The following DCLRE1C variants were observed in gnomAD, a reference collection of about 807,000 sequenced individuals.
The protein encoded by DCLRE1C is DNA cross-link repair 1C.
A neutral mutation model predicts 61.4 loss-of-function variants in DCLRE1C; 47 were observed. That is an observed-to-expected ratio of 0.77 (90% CI 0.61 to 0.98). DCLRE1C has a LOEUF of 0.98. Ranked by LOEUF, DCLRE1C falls within the 50% of genes least tolerant of loss-of-function variation. DCLRE1C has a pLI of 0.00. For synonymous variants in DCLRE1C, 337 were observed against 287.6 expected (o/e 1.17, Z -1.74); for missense variants, 858 against 816.0 (o/e 1.05, Z -0.63).
chr10:14,924,104 A>G (rs753999915), intron 11 of DCLRE1C, among the ~76,000 whole-genome samples: 8 of 152,252 alleles, frequency 5.3e-5, no homozygotes, highest in Admixed American at 3.9e-4. Context: ...CACATCAAGT[A>G]CGAAGCAGAG....
chr10:14,954,199 C>T (rs959445186), upstream of DCLRE1C: 14 of 907,238 alleles, frequency 1.5e-5, no homozygotes, highest in East Asian at 2.6e-5. Context: ...GTTCTAGGCG[C>T]CCGCTGCTTG....
rs1410609820 is a variant in DCLRE1C, at chr10:14,907,633, CT to C, written c.*774del. On this transcript the variant is annotated 3_prime_UTR_variant, in exon 14 of 14. Coordinates refer to ENST00000378278, the MANE Select transcript of DCLRE1C (RefSeq NM_001033855.3). ...ATTTTGTCTTCTTGGTGAACTAGAC[CT>C]TTTATCATTAGGAAACTGTCCATAT... Among the ~76,000 whole-genome samples the C allele has an allele frequency of 6.6e-6, 1 of 151,946 alleles. No individual in the cohort carries two copies. The highest frequency in any genetic ancestry group is 1.5e-5 in the Non-Finnish European group (1 of 67,996).
chr10:14,934,362 A>G lies in DCLRE1C; in HGVS notation c.678+18T>C, dbSNP rs775176227. On this transcript the variant is annotated intron_variant, in intron 8 of 13. Transcript: ENST00000378278. Reference sequence around the variant, plus strand: ...AAAAAAAGAAAAAAGAAAAGAAAAGAATGAACAGTCACCATACCTGGACTC... The same window carrying G: ...AAAAAAAGAAAAAAGAAAAGAAAAGGATGAACAGTCACCATACCTGGACTC... The G allele has an allele frequency of 3.7e-6, 6 of 1,612,152 alleles. No individual in the cohort carries two copies. The highest frequency in any genetic ancestry group is 5.1e-6 in the Non-Finnish European group (6 of 1,179,702).
chr10:14,930,434 TTTTG>T (rs199688043), intron 9 of DCLRE1C, among the ~76,000 whole-genome samples: 2,771 of 146,366 alleles, frequency 0.019, 59 homozygotes, highest in African/African-American at 0.065. Context: ...AGTTTATGGG[TTTTG>T]TTTGTTTTTT....
intron 3 of DCLRE1C, among the ~76,000 whole-genome samples, chr10:14,940,969 G>A (rs1236730796): frequency 1.3e-5 from 2 of 152,174 alleles, no homozygotes; most frequent in African/African-American, 4.8e-5. Context: ...TGCAACCTCT[G>A]CCTCCCAGGT....
chr10:14,949,413 C>T (rs1362222063), intron 1 of DCLRE1C, among the ~76,000 whole-genome samples: 1 of 152,206 alleles, frequency 6.6e-6, no homozygotes, highest in Non-Finnish European at 1.5e-5. Flanking sequence ...CATTTCAATC[C>T]AACCATCCTT....
At chr10:14,945,072 A>C in intron 3 of DCLRE1C, 33 bp downstream of exon 3, 2 of 1,543,362 alleles carry the variant, frequency 1.3e-6, no homozygotes, top group Non-Finnish European at 1.8e-6. Context: ...TCCCACTTAA[A>C]AAAAATTAAG....
chr10:14,926,530 T>C (rs1838004846), intron 11 of DCLRE1C, among the ~76,000 whole-genome samples: 1 of 151,934 alleles, frequency 6.6e-6, no homozygotes, highest in Non-Finnish European at 1.5e-5. Flanking sequence ...GGTGGGCACC[T>C]GTAGTCCCAG....
intron 2 of DCLRE1C, among the ~76,000 whole-genome samples, chr10:14,945,962 C>CTT (rs1368427429): frequency 5.3e-5 from 5 of 94,656 alleles, no homozygotes; most frequent in Admixed American, 1.1e-4. Context: ...CCGGCCTATT[C>CTT]TTTTTTTTTT....
downstream of DCLRE1C, chr10:14,902,583 T>C: frequency 2.1e-6 from 2 of 934,958 alleles, no homozygotes; most frequent in Non-Finnish European, 1.6e-6. Context: ...AAAATACATA[T>C]TTGGGACTCT....
At chr10:14,897,593 T>G (rs1003623747) in exon 14 of DCLRE1C, 104 of 1,230,236 alleles carry the variant, frequency 8.5e-5, no homozygotes, top group Non-Finnish European at 1.1e-4. Flanking sequence ...TTTTATCTCT[T>G]TAAGAGATAC....
chr10:14,925,175 C>G (rs985531611), intron 11 of DCLRE1C, among the ~76,000 whole-genome samples: 2 of 125,482 alleles, frequency 1.6e-5, no homozygotes, highest in Non-Finnish European at 3.2e-5. Context: ...TTGATTTGCA[C>G]AAAGCTGAGG....
chr10:14,899,973 A>G (rs1833885364), downstream of DCLRE1C, among the ~76,000 whole-genome samples: 1 of 152,222 alleles, frequency 6.6e-6, no homozygotes. Flanking sequence ...TTACTTTCAT[A>G]TTACAATGAG....
At position 14,932,906 on chromosome 10, in the gene DCLRE1C, T is replaced by C. The variant is rs12768894; in HGVS notation, c.728A>G (p.His243Arg). 0.17 allele frequency: 268,934 copies of C among 1,613,284 alleles called. 23,214 individuals are homozygous for C. Among genetic ancestry groups the C allele is most frequent in the Admixed American group, 0.22 (13,221 of 60,002 alleles). Residue 243 changes from histidine (H) to arginine (R), a missense_variant, in exon 9 of 14, where the codon CAT becomes CGT. Transcript: ENST00000378278. ...DMFRNMPEIL[H>R]HLTTDRNTQI... ...AGTGTTGCGGTCTGTTGTGAGATGA[T>C]GAAGGATCTCAGGCATGTTCCTAAA...
At chr10:14,932,506 G>T (rs1414611014) in intron 9 of DCLRE1C, among the ~76,000 whole-genome samples, 2 of 152,016 alleles carry the variant, frequency 1.3e-5, no homozygotes, top group South Asian at 4.2e-4. Context: ...GCATGGTGGC[G>T]GGCGCCTGTA....
At chr10:14,922,511 G>T (rs1837284999) in intron 12 of DCLRE1C, among the ~76,000 whole-genome samples, 2 of 151,794 alleles carry the variant, frequency 1.3e-5, no homozygotes, top group African/African-American at 4.8e-5. Context: ...TGGTAATACT[G>T]TAGTAAAAGA....
chr10:14,935,361 G>C, intron 6 of DCLRE1C, 102 bp downstream of exon 6: 1 of 1,293,126 alleles, frequency 7.7e-7, no homozygotes, highest in Non-Finnish European at 1.1e-6. Context: ...AGCTACTTGG[G>C]AGGCTGAGGC....
chr10:14,908,405 T>A lies in DCLRE1C; in HGVS notation c.*3A>T. On this transcript the variant is annotated 3_prime_UTR_variant, in exon 14 of 14. Coordinates refer to ENST00000378278, the MANE Select transcript of DCLRE1C (RefSeq NM_001033855.3). ...TTGCTCTAGGTTGAAACGCTTTGAA[T>A]TCTTAGGTATCTAAGAGTGAGCATT... The A allele has an allele frequency of 6.2e-7, 1 of 1,605,706 alleles. No homozygotes were observed. The highest frequency in any genetic ancestry group is 8.5e-7 in the Non-Finnish European group (1 of 1,172,556).
At chr10:14,941,337 T>C (rs1357144748) in intron 3 of DCLRE1C, among the ~76,000 whole-genome samples, 3 of 152,152 alleles carry the variant, frequency 2.0e-5, no homozygotes, top group African/African-American at 7.2e-5. Context: ...CAGCCTGGAG[T>C]GCAGTGGCAC....
Sources: allele counts gnomAD v4.1 joint callset (sites outside exome capture counted in the v4.1 genomes callset), GRCh38; gene constraint gnomAD v4.1.1; transcripts MANE v1.5; gene names NCBI Gene and HGNC (gene_info 2026-07-23, HGNC 2026-07-21).